GLYATL2: variants seen among roughly 807,000 people sequenced by gnomAD.
The protein encoded by GLYATL2 is glycine N-acyltransferase-like protein 2.
A neutral mutation model predicts 21.4 loss-of-function variants in GLYATL2; 25 were observed. That is an observed-to-expected ratio of 1.17 (90% CI 0.85 to 1.63). The LOEUF is 1.63. GLYATL2 is among the 40% of genes most tolerant of loss of function. The probability of loss-of-function intolerance (pLI) is 0.00; values close to 1 mark genes in which losing one functional copy is unlikely to be tolerated. For synonymous variants in GLYATL2, 114 were observed against 118.2 expected (o/e 0.96, Z 0.23); for missense variants, 361 against 343.3 (o/e 1.05, Z -0.41).
chr11:58,892,629 C>A, intron 1 of GLYATL2: 1 of 302,350 alleles, frequency 3.3e-6, no homozygotes, highest in South Asian at 7.5e-5. Context: ...AACATCACGT[C>A]TGACAATATT....
At chr11:58,842,345 A>G (rs1257993008) in intron 1 of GLYATL2, among the ~76,000 whole-genome samples, 2 of 152,168 alleles carry the variant, frequency 1.3e-5, no homozygotes, top group Non-Finnish European at 2.9e-5. Context: ...TTTGTTCAAT[A>G]TCTTTTCATT....
intron 1 of GLYATL2, among the ~76,000 whole-genome samples, chr11:58,861,927 C>T (rs1311642662): frequency 2.0e-5 from 3 of 152,056 alleles, no homozygotes; most frequent in African/African-American, 7.2e-5. Flanking sequence ...TTTATTATGA[C>T]ATGCTTTGTG....
At chr11:58,896,647 G>A (rs550218023) in intron 1 of GLYATL2, among the ~76,000 whole-genome samples, 4 of 152,268 alleles carry the variant, frequency 2.6e-5, no homozygotes, top group East Asian at 3.9e-4. Flanking sequence ...GAGTAGGGAC[G>A]GGTTTATTAG....
At chr11:58,859,114 A>C (rs566444151) in intron 1 of GLYATL2, among the ~76,000 whole-genome samples, 1 of 152,258 alleles carries the variant, frequency 6.6e-6, no homozygotes, top group Non-Finnish European at 1.5e-5. Flanking sequence ...AATGTACTGC[A>C]ATCCCCCTGG....
chr11:58,871,866 T>C lies in GLYATL2; in HGVS notation n.60+32290A>G, dbSNP rs577694059. 1.3e-4 allele frequency among the ~76,000 whole-genome samples: 20 copies of C among 152,334 alleles called. No homozygotes were observed. The East Asian group carries it at 3.1e-3, about 24-fold the overall frequency. ...TGCCTGAGGAATTGCCACACTGTCTTCCACAATGGTTGAACTAGTTGACAG... is the reference window on the plus strand; with the variant it reads ...TGCCTGAGGAATTGCCACACTGTCTCCCACAATGGTTGAACTAGTTGACAG... On this transcript the variant is annotated intron_variant and non_coding_transcript_variant, in intron 1 of 4. Coordinates refer to the GLYATL2 transcript ENST00000533636.
Position 58,834,339 on chromosome 11 carries a change from G to T in GLYATL2, c.*90C>A. ...ATACACAGATCCTAGATAATCAGTT[G>T]CATTTTGTGCTAATGTAGATCACAA... On this transcript the variant is annotated 3_prime_UTR_variant, in exon 6 of 6. Coordinates refer to ENST00000287275, the MANE Select transcript of GLYATL2 (RefSeq NM_145016.4). 9.8e-7 allele frequency: 1 copy of T among 1,022,732 alleles called. No homozygotes were observed. Among genetic ancestry groups the T allele is most frequent in the Non-Finnish European group, 1.4e-6 (1 of 704,904 alleles). 63.4% of individuals were successfully genotyped at this position (1,022,732 alleles called of 1,614,324 possible).
chr11:58,907,842 A>C (rs566806776), upstream of GLYATL2: 10 of 174,096 alleles, frequency 5.7e-5, no homozygotes, highest in Admixed American at 5.0e-4. Flanking sequence ...GTGGGACCAG[A>C]ACAAGGGCTA....
intron 1 of GLYATL2, among the ~76,000 whole-genome samples, chr11:58,887,135 T>A (rs1338677490): frequency 6.6e-6 from 1 of 152,242 alleles, no homozygotes; most frequent in East Asian, 1.9e-4. Context: ...CCAACGTAAC[T>A]ATAGCACCAA....
In GLYATL2 at chr11:58,878,671, T is replaced by C. The variant is rs1398944168; in HGVS notation, n.60+25485A>G. Among the ~76,000 whole-genome samples, 6 of 152,318 alleles carry C rather than the reference T, an allele frequency of 3.9e-5. No homozygotes were observed. In the East Asian group the frequency reaches 1.2e-3, roughly 29 times the overall value. On this transcript the variant is annotated intron_variant and non_coding_transcript_variant, in intron 1 of 4. Coordinates refer to the GLYATL2 transcript ENST00000533636. ...GTGTACCCCTTTGTTTCATTTTTCC[T>C]GTGCACCTGGGTAGGAAAAATCACT...
Position 58,875,173 on chromosome 11 carries a change from C to T in GLYATL2, n.60+28983G>A, listed in dbSNP as rs528148840. Among the ~76,000 whole-genome samples the T allele has an allele frequency of 1.1e-4, 17 of 152,222 alleles. No individual in the cohort carries two copies. In the South Asian group the frequency reaches 2.5e-3, roughly 22 times the overall value. On this transcript the variant is annotated intron_variant and non_coding_transcript_variant, in intron 1 of 4. Transcript: ENST00000533636. Reference sequence around the variant, plus strand: ...CTTCCTCCATCCCTTTATTTTGGGCCTATGTGTGTCTCTGCACGTGAGATG... The same window carrying T: ...CTTCCTCCATCCCTTTATTTTGGGCTTATGTGTGTCTCTGCACGTGAGATG...
chr11:58,872,659 C>A (rs1472158680), intron 1 of GLYATL2, among the ~76,000 whole-genome samples: 1 of 152,186 alleles, frequency 6.6e-6, no homozygotes, highest in Non-Finnish European at 1.5e-5. Context: ...TGTTTTGGTG[C>A]CAGCACCGTG....
At chr11:58,899,659 T>G (rs1044518528) in intron 1 of GLYATL2, among the ~76,000 whole-genome samples, 6 of 152,026 alleles carry the variant, frequency 3.9e-5, no homozygotes, top group Admixed American at 1.3e-4. Flanking sequence ...TACCAGCGGG[T>G]TAGGGTTGCA....
chr11:58,837,314 T>A lies in GLYATL2; in HGVS notation c.270A>T (p.Ser90=). The A allele has an allele frequency of 3.7e-6, 6 of 1,613,994 alleles. No homozygotes were observed. Among genetic ancestry groups the A allele is most frequent in the Non-Finnish European group, 4.2e-6 (5 of 1,179,848 alleles). The part of the protein sequence containing the change: ...KAPDKLEEVL[S]YSNVISWEQT... ...GCTCCCAGCTGATTACATTGGAGTA[T>A]GACAGGACTTCCTCTAATTTGTCAG... Residue 90 remains serine, a synonymous_variant, in exon 4 of 6, where the codon TCA becomes TCT. Coordinates refer to ENST00000287275, the MANE Select transcript of GLYATL2 (RefSeq NM_145016.4).
chr11:58,908,138 G>A (rs9787921), upstream of GLYATL2: 29,828 of 152,148 alleles, frequency 0.2, 3,563 homozygotes, highest in African/African-American at 0.32. Flanking sequence ...CTGCCATACA[G>A]GCTCCAGTCA....
chr11:58,854,338 A>G (rs1333640438), intron 1 of GLYATL2, among the ~76,000 whole-genome samples: 1 of 152,230 alleles, frequency 6.6e-6, no homozygotes, highest in Non-Finnish European at 1.5e-5. Context: ...GACCACTGCA[A>G]TAAAGTGGGT....
At chr11:58,885,745 G>A (rs1854426013) in intron 1 of GLYATL2, among the ~76,000 whole-genome samples, 2 of 152,212 alleles carry the variant, frequency 1.3e-5, no homozygotes, top group African/African-American at 2.4e-5. Flanking sequence ...GAAAAGGGGT[G>A]GAGGGGGAAG....
At chr11:58,872,434 T>C (rs538840782) in intron 1 of GLYATL2, among the ~76,000 whole-genome samples, 18 of 152,384 alleles carry the variant, frequency 1.2e-4, no homozygotes, top group African/African-American at 4.1e-4. Context: ...CATGTAAGTC[T>C]TTAATCCATC....
chr11:58,837,581 T>G (rs79132020), intron 3 of GLYATL2, among the ~76,000 whole-genome samples, 184 bp from the exon 4 acceptor site: 1,677 of 152,338 alleles, frequency 0.011, 37 homozygotes, highest in African/African-American at 0.038. Flanking sequence ...ATAGTTGCTT[T>G]CTTTTAGGGC....
In GLYATL2 at chr11:58,837,161, C is replaced by T. The variant is rs61729334; in HGVS notation, c.330G>A (p.Leu110=). Residue 110 remains leucine (L), a synonymous_variant, in exon 5 of 6, where the codon TTG becomes TTA. Transcript: ENST00000287275. ...TTGCAACCTTTCTTATTGCTTCATC[C>T]AAGCCCTCTTGGCAACCTGGAGAAA... ...TLQIQGCQEG[L]DEAIRKVATS... The T allele has an allele frequency of 9.6e-4, 1,543 of 1,613,766 alleles. 17 individuals are homozygous for T. In the African/African-American group the frequency reaches 0.019, roughly 19 times the overall value.
Sources: allele counts gnomAD v4.1 joint callset (sites outside exome capture counted in the v4.1 genomes callset), GRCh38; gene constraint gnomAD v4.1.1; transcripts MANE v1.5; gene names NCBI Gene and HGNC (gene_info 2026-07-23, HGNC 2026-07-21).